Variants in DGKI observed in about 807,000 individuals in gnomAD.
DGKI encodes the protein diacylglycerol kinase iota.
A neutral mutation model predicts 147.5 loss-of-function variants in DGKI; 55 were observed. The ratio of observed to expected loss-of-function variants is 0.37; its 90% CI spans 0.30 to 0.47. The LOEUF is 0.47. DGKI is among the 20% of genes least tolerant of loss of function. The pLI is 1.00. For synonymous variants in DGKI, 469 were observed against 477.1 expected (o/e 0.98, Z 0.22); for missense variants, 1,007 against 1,323.8 (o/e 0.76, Z 3.71).
At chr7:137,634,082 T>C (rs1821229032) in intron 6 of DGKI, among the ~76,000 whole-genome samples, 1 of 152,190 alleles carries the variant, frequency 6.6e-6, no homozygotes, top group South Asian at 2.1e-4. Context: ...TGCTAGAATA[T>C]CCTCTCCAAT....
chr7:137,584,675 T>TA (rs1270184503), intron 14 of DGKI, among the ~76,000 whole-genome samples: 1 of 152,204 alleles, frequency 6.6e-6, no homozygotes, highest in Non-Finnish European at 1.5e-5. Flanking sequence ...AACTTGCACA[T>TA]ATGCAGTTTG....
intron 1 of DGKI, among the ~76,000 whole-genome samples, chr7:137,844,970 T>A (rs1380676465): frequency 6.6e-6 from 1 of 152,194 alleles, no homozygotes; most frequent in African/African-American, 2.4e-5. Flanking sequence ...CGGGCCATCA[T>A]AACTAGGAAG....
intron 20 of DGKI, among the ~76,000 whole-genome samples, chr7:137,535,543 AC>A (rs1452442762): frequency 6.6e-6 from 1 of 151,004 alleles, no homozygotes; most frequent in Non-Finnish European, 1.5e-5. Flanking sequence ...TTTCTCCTTT[AC>A]CCCCAAGTCT....
chr7:137,826,917 G>A (rs1385959020), intron 1 of DGKI, among the ~76,000 whole-genome samples: 3 of 152,196 alleles, frequency 2.0e-5, no homozygotes, highest in Non-Finnish European at 2.9e-5. Context: ...TGAGTTTCAC[G>A]TTCAAACTCT....
intron 15 of DGKI, among the ~76,000 whole-genome samples, chr7:137,579,161 A>G (rs1819090654): frequency 6.6e-6 from 1 of 152,088 alleles, no homozygotes; most frequent in Admixed American, 6.6e-5. Context: ...TTTTTTCACA[A>G]TGGCTTTCAT....
At chr7:137,626,410 G>A (rs1471705595) in intron 6 of DGKI, among the ~76,000 whole-genome samples, 3 of 150,854 alleles carry the variant, frequency 2.0e-5, no homozygotes, top group African/African-American at 7.3e-5. Flanking sequence ...ACTACTACAG[G>A]GCCAGCAACA....
intron 29 of DGKI, 135 bp from the exon 30 acceptor site, chr7:137,408,130 A>C: frequency 3.0e-6 from 3 of 1,015,366 alleles, no homozygotes; most frequent in Non-Finnish European, 4.2e-6. Flanking sequence ...AAAGTCAAAA[A>C]GGTGAAGTAA....
intron 6 of DGKI, among the ~76,000 whole-genome samples, chr7:137,624,894 T>G (rs1421198062): frequency 6.6e-6 from 1 of 151,594 alleles, no homozygotes; most frequent in Non-Finnish European, 1.5e-5. Context: ...GCGTGAGCCA[T>G]CTCGCCCGGC....
In DGKI at chr7:137,809,055, A is replaced by T. The variant is rs576857389; in HGVS notation, c.401+37407T>A. The stretch of plus-strand genomic sequence containing the variant: ...AAAGAATTGGGGCACAGAGAGTTTG[A>T]CAAGCTTCCTTGATGATTCAGATAC... On this transcript the variant is annotated intron_variant, in intron 1 of 32. Coordinates refer to ENST00000614521, the MANE Select transcript of DGKI (RefSeq NM_001321708.2). 2.0e-5 allele frequency among the ~76,000 whole-genome samples: 3 copies of T among 152,308 alleles called. No individual in the cohort carries two copies. The East Asian group carries it at 5.8e-4, about 29-fold the overall frequency.
chr7:137,471,801 A>G (rs563046349), intron 23 of DGKI, among the ~76,000 whole-genome samples: 3 of 150,434 alleles, frequency 2.0e-5, no homozygotes, highest in South Asian at 2.1e-4. Context: ...TTATAAATAT[A>G]AAATATGTAT....
At chr7:137,412,494 C>G (rs1181613208) in intron 28 of DGKI, among the ~76,000 whole-genome samples, 1 of 152,174 alleles carries the variant, frequency 6.6e-6, no homozygotes, top group Non-Finnish European at 1.5e-5. Context: ...AACTCTGATA[C>G]TTTAAGCAGT....
rs548223005 is a variant in DGKI, at chr7:137,510,161, C to A, written c.2248+11705G>T. ...CTAATACATAGTAGGAACCAAAGGTCCAGACCAAATAGTGCTATGACATGT... is the reference window on the plus strand; with the variant it reads ...CTAATACATAGTAGGAACCAAAGGTACAGACCAAATAGTGCTATGACATGT... On this transcript the variant is annotated intron_variant, in intron 21 of 32. Transcript: ENST00000614521. Among the ~76,000 whole-genome samples, 4 of 152,268 alleles carry A rather than the reference C, an allele frequency of 2.6e-5. No homozygotes were observed. The East Asian group carries it at 7.7e-4, about 29-fold the overall frequency.
intron 1 of DGKI, among the ~76,000 whole-genome samples, chr7:137,708,921 TC>T (rs1325896559): frequency 6.6e-6 from 1 of 152,178 alleles, no homozygotes; most frequent in Non-Finnish European, 1.5e-5. Context: ...GGTACCTTTT[TC>T]CTAAAACACA....
chr7:137,504,780 A>C (rs983250427), intron 21 of DGKI, among the ~76,000 whole-genome samples: 1 of 152,170 alleles, frequency 6.6e-6, no homozygotes, highest in African/African-American at 2.4e-5. Context: ...AATAACATAG[A>C]AATAACATAG....
chr7:137,578,736 G>A (rs1054944817), intron 15 of DGKI, among the ~76,000 whole-genome samples: 5 of 152,088 alleles, frequency 3.3e-5, no homozygotes, highest in South Asian at 2.1e-4. Context: ...CAGGGATATC[G>A]GGCTGAGATA....
Position 137,434,118 on chromosome 7 carries a change from C to CA in DGKI, c.2761+9958dup, listed in dbSNP as rs60899883. Reference sequence around the variant, plus strand: ...TGGGTGGCACAGTGAAACTCCATCTCAAAAAAAAAAAAAAAAGTAAACTAG... The same window carrying CA: ...TGGGTGGCACAGTGAAACTCCATCTCAAAAAAAAAAAAAAAAAGTAAACTAG... On this transcript the variant is annotated intron_variant, in intron 28 of 32. Transcript: ENST00000614521. Among the ~76,000 whole-genome samples the CA allele has an allele frequency of 1.8e-3, 231 of 129,116 alleles. 1 individual carries two copies. In the East Asian group the frequency reaches 0.028, roughly 15 times the overall value. 84.7% of individuals were successfully genotyped at this position (129,116 alleles called of 152,430 possible). A position where few individuals can be genotyped will look rare whatever the true frequency, so the allele number is the denominator to read the frequency against.
intron 27 of DGKI, among the ~76,000 whole-genome samples, chr7:137,453,579 A>G (rs1243525520): frequency 6.6e-6 from 1 of 152,238 alleles, no homozygotes; most frequent in Non-Finnish European, 1.5e-5. Context: ...TACAGCAAAC[A>G]CACAGAGTGG....
At chr7:137,441,521 C>A (rs1430481161) in intron 28 of DGKI, among the ~76,000 whole-genome samples, 2 of 151,610 alleles carry the variant, frequency 1.3e-5, no homozygotes, top group African/African-American at 4.8e-5. Flanking sequence ...TGATTAGCTC[C>A]ATTTTACAGA....
chr7:137,733,049 T>C (rs1352626008), intron 1 of DGKI, among the ~76,000 whole-genome samples: 2 of 151,964 alleles, frequency 1.3e-5, no homozygotes, highest in Non-Finnish European at 2.9e-5. Flanking sequence ...AATTACTACG[T>C]CCACAACCTT....
Sources: allele counts gnomAD v4.1 joint callset (sites outside exome capture counted in the v4.1 genomes callset), GRCh38; gene constraint gnomAD v4.1.1; transcripts MANE v1.5; gene names NCBI Gene and HGNC (gene_info 2026-07-23, HGNC 2026-07-21).